SRGAP2C: variants seen among roughly 807,000 people sequenced by gnomAD.
The protein encoded by SRGAP2C is SLIT-ROBO Rho GTPase activating protein 2C.
In SRGAP2C, 15 loss-of-function variants were observed where a neutral mutation model predicts 25.1. The ratio of observed to expected loss-of-function variants is 0.60; its 90% CI spans 0.40 to 0.92. The LOEUF is 0.92. Among genes scored for constraint, SRGAP2C ranks in the 40% least tolerant of loss-of-function variants. The pLI is 0.00. For missense variants in SRGAP2C, 144 were observed against 264.4 expected (o/e 0.54, Z 3.16); for synonymous variants, 44 against 96.6 (o/e 0.46, Z 3.19).
At chr1:121,323,624 A>C (rs1313192951) in intron 3 of SRGAP2C, among the ~76,000 whole-genome samples, 1 of 137,510 alleles carries the variant, frequency 7.3e-6, no homozygotes, top group Non-Finnish European at 1.5e-5. Flanking sequence ...TCAAAAAAAA[A>C]AAAAAAAAAA....
At chr1:121,355,176 G>A (rs1553347292) in intron 4 of SRGAP2C, among the ~76,000 whole-genome samples, 1 of 146,684 alleles carries the variant, frequency 6.8e-6, no homozygotes, top group Non-Finnish European at 1.5e-5. Context: ...ACCCCAATGA[G>A]AGATTTAACA....
chr1:121,256,192 C>A, intron 2 of SRGAP2C, among the ~76,000 whole-genome samples: 1 of 148,370 alleles, frequency 6.7e-6, no homozygotes, highest in Non-Finnish European at 1.5e-5. Flanking sequence ...AACAACCTCT[C>A]TTGTGGATTG....
At chr1:121,268,516 C>T (rs1245444623) in intron 2 of SRGAP2C, among the ~76,000 whole-genome samples, 5 of 148,970 alleles carry the variant, frequency 3.4e-5, no homozygotes, top group African/African-American at 1.2e-4. Context: ...GCAGCAAGAC[C>T]AGTTAGGAGC....
chr1:121,302,223 GA>G (rs1258883391), intron 3 of SRGAP2C, among the ~76,000 whole-genome samples: 4 of 147,458 alleles, frequency 2.7e-5, no homozygotes, highest in Non-Finnish European at 6.0e-5. Context: ...GAGTTTATGG[GA>G]AAAAGATAAC....
At chr1:121,231,680 T>C (rs1655823973) in intron 2 of SRGAP2C, among the ~76,000 whole-genome samples, 2 of 150,756 alleles carry the variant, frequency 1.3e-5, no homozygotes, top group South Asian at 2.1e-4. Flanking sequence ...TCATTATTGA[T>C]GTGAGAATAA....
chr1:121,279,421 G>A (rs1657192344), intron 2 of SRGAP2C, among the ~76,000 whole-genome samples: 1 of 142,012 alleles, frequency 7.0e-6, no homozygotes, highest in Non-Finnish European at 1.5e-5. Context: ...GTTCTCTGAA[G>A]TGAGGGCAGT....
chr1:121,235,123 G>A lies in SRGAP2C; in HGVS notation c.67+47610G>A, dbSNP rs1397449188. On this transcript the variant is annotated intron_variant, in intron 2 of 9. Coordinates refer to ENST00000367123, the MANE Select transcript of SRGAP2C (RefSeq NM_001329984.2). ...TGCAAGCTCCGCCTCCCGGGTTCAC[G>A]CCATTCTCCATTCTCCAGCTTCAGC... Among the ~76,000 whole-genome samples, 21 of 145,344 alleles carry A rather than the reference G, an allele frequency of 1.4e-4. No homozygotes were observed. The East Asian group carries it at 2.2e-3, about 15-fold the overall frequency.
chr1:121,227,689 TG>T (rs1317709693), intron 2 of SRGAP2C, among the ~76,000 whole-genome samples: 2 of 147,358 alleles, frequency 1.4e-5, no homozygotes, highest in Non-Finnish European at 3.0e-5. Flanking sequence ...AGTAAGGACC[TG>T]GCACGTAGAA....
intron 2 of SRGAP2C, among the ~76,000 whole-genome samples, chr1:121,211,412 CACAT>C (rs1304007089): frequency 9.0e-6 from 1 of 110,622 alleles, no homozygotes; most frequent in Non-Finnish European, 1.9e-5. Context: ...TATATATATA[CACAT>C]ACACACACAC....
At chr1:121,226,962 GA>G (rs1456958279) in intron 2 of SRGAP2C, among the ~76,000 whole-genome samples, 4 of 116,178 alleles carry the variant, frequency 3.4e-5, no homozygotes, top group Admixed American at 9.8e-5. Context: ...CCAGTTTGTT[GA>G]ACATGATAAG....
intron 3 of SRGAP2C, among the ~76,000 whole-genome samples, chr1:121,312,260 C>T (rs1657980579): frequency 5.3e-5 from 2 of 37,510 alleles, no homozygotes; most frequent in Non-Finnish European, 1.1e-4. Flanking sequence ...TCTGTGGGAT[C>T]AGTGGTGATA....
At chr1:121,275,051 C>G (rs1553335913) in intron 2 of SRGAP2C, among the ~76,000 whole-genome samples, 1 of 150,602 alleles carries the variant, frequency 6.6e-6, no homozygotes, top group Non-Finnish European at 1.5e-5. Context: ...CCCCCCCACC[C>G]AAGGTCTCAA....
intron 2 of SRGAP2C, among the ~76,000 whole-genome samples, chr1:121,218,765 T>A (rs1655459537): frequency 1.3e-5 from 2 of 150,918 alleles, no homozygotes; most frequent in Admixed American, 6.6e-5. Context: ...AAAAAAAAAG[T>A]GAATGTACAC....
chr1:121,334,610 G>C (rs1209059174), intron 4 of SRGAP2C, among the ~76,000 whole-genome samples: 14 of 127,934 alleles, frequency 1.1e-4, no homozygotes, highest in Admixed American at 2.4e-4. Context: ...TGGGATTACA[G>C]GCGTGAGCTG....
Position 121,271,115 on chromosome 1 carries a change from GTGTTT to G in SRGAP2C, c.68-13676_68-13672del, listed in dbSNP as rs1656946297. Reference sequence around the variant, plus strand: ...CCCAGCTGGACTGTTTTTTTTTTTGGTGTTTTGTTTTGTTTTTTTAAACTTAACCA... The same window carrying G: ...CCCAGCTGGACTGTTTTTTTTTTTGGTGTTTTGTTTTTTTAAACTTAACCA... On this transcript the variant is annotated intron_variant, in intron 2 of 9. Transcript: ENST00000367123. Among the ~76,000 whole-genome samples the G allele has an allele frequency of 5.3e-5, 8 of 150,964 alleles. No individual in the cohort carries two copies. The South Asian group carries it at 1.7e-3, about 32-fold the overall frequency.
intron 2 of SRGAP2C, among the ~76,000 whole-genome samples, chr1:121,269,027 G>GTGTGTC (rs1656874298): frequency 2.6e-4 from 1 of 3,882 alleles, no homozygotes; most frequent in South Asian, 7.7e-3. Context: ...GAGACAGAAT[G>GTGTGTC]TGTGTCTGTA....
At chr1:121,259,958 GA>G (rs1174882214) in intron 2 of SRGAP2C, among the ~76,000 whole-genome samples, 23 of 141,440 alleles carry the variant, frequency 1.6e-4, no homozygotes, top group Admixed American at 4.4e-4. Context: ...GGGCTCAAGG[GA>G]TCCTTCTGCC....
At chr1:121,323,406 G>A (rs1403117733) in intron 3 of SRGAP2C, among the ~76,000 whole-genome samples, 3 of 151,772 alleles carry the variant, frequency 2.0e-5, no homozygotes, top group South Asian at 2.1e-4. Flanking sequence ...ACATGAGGTC[G>A]GGAGTTCAAG....
intron 4 of SRGAP2C, among the ~76,000 whole-genome samples, chr1:121,347,773 A>G (rs1451700866): frequency 2.6e-5 from 4 of 152,032 alleles, no homozygotes; most frequent in African/African-American, 7.2e-5. Context: ...CCTGTGGAGA[A>G]TGAATGTTCT....
Sources: gnomAD v4.1 joint callset for allele counts (sites outside exome capture counted in the v4.1 genomes callset) on GRCh38, gnomAD v4.1.1 for gene constraint, MANE v1.5 for transcripts, NCBI Gene and HGNC (gene_info 2026-07-23, HGNC 2026-07-21) for gene names.